The following AGO3 variants were observed in gnomAD, a reference collection of about 807,000 sequenced individuals.
AGO3 encodes argonaute RISC catalytic component 3, also known as protein argonaute-3.
A neutral mutation model predicts 105.5 loss-of-function variants in AGO3; 16 were observed. The ratio of observed to expected loss-of-function variants is 0.15; its 90% CI spans 0.10 to 0.23. The LOEUF (loss-of-function observed/expected upper bound fraction) is 0.23, where lower values mean the gene tolerates loss of function less well. AGO3 is among the 10% of genes least tolerant of loss of function. The pLI is 1.00. For missense variants in AGO3, 534 were observed against 1,088.0 expected (o/e 0.49, Z 7.16); for synonymous variants, 340 against 367.3 (o/e 0.93, Z 0.85).
intron 1 of AGO3, among the ~76,000 whole-genome samples, chr1:35,938,849 T>C (rs1646201768): frequency 6.6e-6 from 1 of 152,040 alleles, no homozygotes; most frequent in Admixed American, 6.6e-5. Flanking sequence ...TCACTGCTTG[T>C]TTTTTTTCAT....
intron 5 of AGO3, among the ~76,000 whole-genome samples, chr1:35,988,550 C>T (rs1647324903): frequency 6.6e-6 from 1 of 151,790 alleles, no homozygotes; most frequent in South Asian, 2.1e-4. Context: ...CTGTGTCTTG[C>T]TTATTTTATT....
intron 17 of AGO3, among the ~76,000 whole-genome samples, chr1:36,045,298 T>G (rs562384578): frequency 2.0e-5 from 3 of 152,168 alleles, no homozygotes; most frequent in Admixed American, 1.3e-4. Flanking sequence ...CTTGGCTCAC[T>G]GCAACCTCTG....
At chr1:36,052,535 C>T (rs576355108) in intron 17 of AGO3, among the ~76,000 whole-genome samples, 6 of 152,016 alleles carry the variant, frequency 3.9e-5, no homozygotes, top group Non-Finnish European at 8.8e-5. Flanking sequence ...TTCAAATAAC[C>T]AGGAGAGTGG....
intron 9 of AGO3, among the ~76,000 whole-genome samples, chr1:36,010,125 G>A (rs1019916526): frequency 6.6e-6 from 1 of 151,760 alleles, no homozygotes. Context: ...ATTTTTAGTA[G>A]AGACAGGATT....
At chr1:35,986,731 C>T (rs1647197441) in intron 5 of AGO3, among the ~76,000 whole-genome samples, 1 of 152,060 alleles carries the variant, frequency 6.6e-6, no homozygotes, top group Non-Finnish European at 1.5e-5. Flanking sequence ...CCTAGTGGCT[C>T]AGACCTGTAA....
intron 5 of AGO3, among the ~76,000 whole-genome samples, chr1:35,993,199 C>G (rs1647849487): frequency 6.6e-6 from 1 of 152,124 alleles, no homozygotes; most frequent in South Asian, 2.1e-4. Flanking sequence ...ATCTCAAAGG[C>G]TGGCTACCAC....
chr1:36,024,511 A>G (rs1216486226), intron 11 of AGO3, among the ~76,000 whole-genome samples: 1 of 151,708 alleles, frequency 6.6e-6, no homozygotes, highest in South Asian at 2.1e-4. Flanking sequence ...CCTTTTCATT[A>G]TCTATCTGCT....
intron 3 of AGO3, among the ~76,000 whole-genome samples, chr1:35,970,565 A>G (rs1646847184): frequency 6.6e-6 from 1 of 152,192 alleles, no homozygotes; most frequent in African/African-American, 2.4e-5. Context: ...CTACCCCTAG[A>G]ATTAAGACTA....
intron 6 of AGO3, among the ~76,000 whole-genome samples, chr1:36,007,913 G>A (rs546811082): frequency 6.6e-6 from 1 of 152,196 alleles, no homozygotes; most frequent in South Asian, 2.1e-4. Flanking sequence ...TCTAGAGCAG[G>A]CCTGGGATCC....
At chr1:35,953,102 A>T (rs943864451) in intron 2 of AGO3, among the ~76,000 whole-genome samples, 12 of 152,268 alleles carry the variant, frequency 7.9e-5, no homozygotes, top group Middle Eastern at 3.4e-3. Context: ...CTCTATATTT[A>T]ACCTTTTGAG....
At chr1:36,010,229 G>A (rs1045651494) in intron 9 of AGO3, among the ~76,000 whole-genome samples, 4 of 151,610 alleles carry the variant, frequency 2.6e-5, no homozygotes, top group Admixed American at 6.6e-5. Flanking sequence ...GTGAGCCACC[G>A]CACCCGGCCA....
Position 35,956,858 on chromosome 1 carries a change from C to T in AGO3, c.192-10097C>T, listed in dbSNP as rs943985403. Among the ~76,000 whole-genome samples, 11 of 151,478 alleles carry T rather than the reference C, an allele frequency of 7.3e-5. No individual in the cohort carries two copies. In the Middle Eastern group the frequency reaches 0.01, roughly 141 times the overall value. ...AGATAGGGTTTCACTGTGATGCCCA[C>T]GCTGGTCTCAAACTCCTGAGCTCAG... On this transcript the variant is annotated intron_variant, in intron 2 of 18. Coordinates refer to ENST00000373191, the MANE Select transcript of AGO3 (RefSeq NM_024852.4).
At chr1:35,971,031 T>A (rs547306713) in intron 3 of AGO3, among the ~76,000 whole-genome samples, 40 of 136,500 alleles carry the variant, frequency 2.9e-4, no homozygotes, top group African/African-American at 1.0e-3. Context: ...CCAGCCTAAA[T>A]ATATATATAT....
intron 2 of AGO3, among the ~76,000 whole-genome samples, chr1:35,953,066 T>C (rs924932816): frequency 2.0e-5 from 3 of 152,206 alleles, no homozygotes; most frequent in Non-Finnish European, 4.4e-5. Context: ...GTTGGATATA[T>C]ACCTAAGAGT....
chr1:35,978,607 T>C (rs1338388218), intron 5 of AGO3, among the ~76,000 whole-genome samples: 2 of 152,214 alleles, frequency 1.3e-5, no homozygotes, highest in African/African-American at 4.8e-5. Context: ...GAAGTGTGTT[T>C]ACAGACAGAG....
chr1:36,069,230 A>G lies in AGO3; in HGVS notation c.*13485A>G, dbSNP rs939699883. On this transcript the variant is annotated 3_prime_UTR_variant, in exon 19 of 19. Coordinates refer to ENST00000373191, the MANE Select transcript of AGO3 (RefSeq NM_024852.4). ...ACTATCCTCCTGCTTCAGCCTCCCA[A>G]GTAGCTGGGACTAGAGGTACATGCC... is the stretch of plus-strand genomic sequence containing the variant. The G allele has an allele frequency of 8.6e-5, 13 of 151,982 alleles. No homozygotes were observed. Among genetic ancestry groups the G allele is most frequent in the Admixed American group, 5.9e-4 (9 of 15,178 alleles). 9.4% of individuals were successfully genotyped at this position (151,982 alleles called of 1,614,324 possible). A position where few individuals can be genotyped will look rare whatever the true frequency, so the allele number is the denominator to read the frequency against.
chr1:36,053,427 A>G (rs1642798760), intron 17 of AGO3, among the ~76,000 whole-genome samples: 1 of 151,924 alleles, frequency 6.6e-6, no homozygotes, highest in South Asian at 2.1e-4. Context: ...CTACAGGCAC[A>G]TGCCACTACA....
At chr1:35,996,587 A>G (rs1639833684) in intron 5 of AGO3, among the ~76,000 whole-genome samples, 1 of 152,030 alleles carries the variant, frequency 6.6e-6, no homozygotes, top group South Asian at 2.1e-4. Flanking sequence ...CCCAACCAAC[A>G]TGGCGAAACC....
intron 17 of AGO3, among the ~76,000 whole-genome samples, chr1:36,050,033 C>T (rs1642640188): frequency 6.6e-6 from 1 of 152,196 alleles, no homozygotes; most frequent in Non-Finnish European, 1.5e-5. Context: ...AACAAAGAAA[C>T]ATTGGATTTA....
Sources: gnomAD v4.1 joint callset for allele counts (sites outside exome capture counted in the v4.1 genomes callset) on GRCh38, gnomAD v4.1.1 for gene constraint, MANE v1.5 for transcripts, NCBI Gene and HGNC (gene_info 2026-07-23, HGNC 2026-07-21) for gene names.